The following DNAH11 variants were observed in gnomAD, a reference collection of about 807,000 sequenced individuals.
DNAH11 encodes dynein axonemal heavy chain 11, also known as axonemal beta dynein heavy chain 11.
In DNAH11, 442 loss-of-function variants were observed where a neutral mutation model predicts 526.0. That is an observed-to-expected ratio of 0.84 (90% CI 0.78 to 0.91). The LOEUF (loss-of-function observed/expected upper bound fraction) is 0.91. DNAH11 is among the 40% of genes least tolerant of loss of function. DNAH11 has a pLI of 0.00. For synonymous variants in DNAH11, 2,461 were observed against 1,935.9 expected (o/e 1.27, Z -7.12); for missense variants, 6,989 against 5,448.7 (o/e 1.28, Z -8.90).
In DNAH11 at chr7:21,848,637, G is replaced by C. The variant is rs182778668; in HGVS notation, c.10897-3830G>C. On this transcript the variant is annotated intron_variant, in intron 66 of 81. Transcript: ENST00000409508. ...TCACTCTCACTCGCTCTCTCTCTCT[G>C]TATATATAGCTGTAATATTTATATA... is the stretch of plus-strand genomic sequence containing the variant. Among the ~76,000 whole-genome samples, 123 of 151,890 alleles carry C rather than the reference G, an allele frequency of 8.1e-4. No individual in the cohort carries two copies. The East Asian group carries it at 0.019, about 24-fold the overall frequency.
chr7:21,687,765 C>G (rs1222820570), intron 34 of DNAH11, among the ~76,000 whole-genome samples: 1 of 152,140 alleles, frequency 6.6e-6, no homozygotes, highest in East Asian at 1.9e-4. Flanking sequence ...CAAACAACTT[C>G]TAGGATTGGC....
chr7:21,801,032 GA>G, intron 61 of DNAH11, 104 bp from the exon 62 acceptor site: 1 of 1,190,306 alleles, frequency 8.4e-7, no homozygotes, highest in South Asian at 1.4e-5. Flanking sequence ...TTAATGGGGG[GA>G]AGAGGTTTGT....
chr7:21,626,865 C>T (rs980259241), intron 25 of DNAH11, among the ~76,000 whole-genome samples: 1 of 150,924 alleles, frequency 6.6e-6, no homozygotes, highest in African/African-American at 2.4e-5. Context: ...ATTCTTCTGC[C>T]TCAGCCTCCC....
At position 21,760,567 on chromosome 7, in the gene DNAH11, T is replaced by C. The variant is rs1280950187; in HGVS notation, c.8941-4861T>C. 2.6e-5 allele frequency among the ~76,000 whole-genome samples: 4 copies of C among 152,210 alleles called. No individual in the cohort carries two copies. In the East Asian group the frequency reaches 7.7e-4, roughly 29 times the overall value. On this transcript the variant is annotated intron_variant, in intron 54 of 81. Coordinates refer to ENST00000409508, the MANE Select transcript of DNAH11 (RefSeq NM_001277115.2). ...TACTGAGATACCTTGATACTTAGATTTTGAAATTTTGTTGATACGTTGGCA... is the reference window on the plus strand; with the variant it reads ...TACTGAGATACCTTGATACTTAGATCTTGAAATTTTGTTGATACGTTGGCA...
rs118173228 is a variant in DNAH11 at position 21,630,273 on chromosome 7, T to A, written c.4501-5598T>A. Among the ~76,000 whole-genome samples, 1,504 of 152,312 alleles carry A rather than the reference T, an allele frequency of 9.9e-3. 17 individuals carry two copies. Among genetic ancestry groups the A allele is most frequent in the South Asian group, 0.022 (108 of 4,820 alleles). On this transcript the variant is annotated intron_variant, in intron 25 of 81. Transcript: ENST00000409508. ...TTTGTATATTTTTATATTGTCTATC[T>A]CTTAACCGTTTGCTGTAGCTATTGT...
intron 44 of DNAH11, among the ~76,000 whole-genome samples, chr7:21,724,734 A>C (rs1306464063): frequency 6.7e-6 from 1 of 149,232 alleles, no homozygotes; most frequent in Non-Finnish European, 1.5e-5. Flanking sequence ...TCATCCTATG[A>C]ATATAAGAGT....
intron 8 of DNAH11, among the ~76,000 whole-genome samples, chr7:21,574,867 CTTTTTTTT>C (rs869117425): frequency 7.0e-5 from 3 of 42,850 alleles, no homozygotes; most frequent in African/African-American, 2.5e-4. Flanking sequence ...CTGCACTGGG[CTTTTTTTT>C]TTTTTTTTTT....
At chr7:21,856,843 A>G (rs1782869488) in intron 68 of DNAH11, among the ~76,000 whole-genome samples, 1 of 151,000 alleles carries the variant, frequency 6.6e-6, no homozygotes, top group Non-Finnish European at 1.5e-5. Flanking sequence ...TCAACATGAT[A>G]AAATGCATCT....
At chr7:21,636,212 A>G in intron 26 of DNAH11, 117 bp downstream of exon 26, 1 of 835,712 alleles carries the variant, frequency 1.2e-6, no homozygotes, top group Non-Finnish European at 1.8e-6. Context: ...GAGTCAGGAG[A>G]CTTTTCCTGC....
rs1786075148 is a variant in DNAH11 at position 21,744,901 on chromosome 7, C to A, written c.8348C>A (p.Pro2783His). 1 of 1,610,614 alleles carries A rather than the reference C, an allele frequency of 6.2e-7. No individual in the cohort carries two copies. Among genetic ancestry groups the A allele is most frequent in the Non-Finnish European group, 8.5e-7 (1 of 1,178,562 alleles). Residue 2783 changes from proline (P) to histidine (H), a missense_variant, in exon 51 of 82, where the codon CCC (proline) becomes CAC (histidine). Physicochemically the swap from Pro to His is moderately conservative, Grantham distance 77 (BLOSUM62 -2). Transcript: ENST00000409508. Reference protein sequence around the residue: ...GIDSHMLLQQPLIYCHFADRG... With the variant: ...GIDSHMLLQQHLIYCHFADRG... ...GATAGTCACATGCTGCTTCAACAGCCCCTCATTTATTGCCACTTTGCTGAT... is the reference window on the plus strand; with the variant it reads ...GATAGTCACATGCTGCTTCAACAGCACCTCATTTATTGCCACTTTGCTGAT...
chr7:21,559,761 G>A lies in DNAH11; in HGVS notation c.851G>A (p.Arg284Lys). 6.2e-7 allele frequency: 1 copy of A among 1,605,416 alleles called. No homozygotes were observed. Among genetic ancestry groups the A allele is most frequent in the Non-Finnish European group, 8.5e-7 (1 of 1,175,410 alleles). ...PQAELDFWMM[R>K]RENLSCIYDQ... is the part of the protein sequence containing the mutation. ...GCAGAACTAGATTTCTGGATGATGA[G>A]GAGAGAAAATCTGTCATGCATTTAT... is the stretch of plus-strand genomic sequence containing the variant. The change falls in exon 4 of 82, where the codon AGG (arginine) becomes AAG (lysine). Residue 284 changes from arginine (R) to lysine (K), a missense_variant. By Grantham distance (26) the Arg-to-Lys change is conservative. Transcript: ENST00000409508.
chr7:21,844,827 A>G (rs1197466926), intron 66 of DNAH11, among the ~76,000 whole-genome samples: 1 of 152,232 alleles, frequency 6.6e-6, no homozygotes, highest in African/African-American at 2.4e-5. Context: ...CCACTGCAGC[A>G]GTTGCCATGT....
At chr7:21,578,208 CA>C (rs1784174176) in intron 8 of DNAH11, among the ~76,000 whole-genome samples, 1 of 152,128 alleles carries the variant, frequency 6.6e-6, no homozygotes, top group African/African-American at 2.4e-5. Flanking sequence ...CCTGTAAAAT[CA>C]AAAACAAGTT....
intron 46 of DNAH11, among the ~76,000 whole-genome samples, chr7:21,736,201 G>C (rs911372516): frequency 6.6e-6 from 1 of 152,192 alleles, no homozygotes; most frequent in Non-Finnish European, 1.5e-5. Flanking sequence ...TCAAGTAAAA[G>C]ATTAATTTAG....
chr7:21,599,712 T>C, intron 14 of DNAH11, 75 bp from the exon 15 acceptor site: 1 of 1,155,182 alleles, frequency 8.7e-7, no homozygotes, highest in South Asian at 2.1e-5. Flanking sequence ...TTTTACAAAC[T>C]ATTTAAACGG....
intron 35 of DNAH11, among the ~76,000 whole-genome samples, chr7:21,694,949 A>C (rs754659790): frequency 6.6e-5 from 10 of 152,208 alleles, no homozygotes; most frequent in Non-Finnish European, 1.2e-4. Flanking sequence ...TCTAATGACC[A>C]GTGATGATGA....
At chr7:21,769,482 TG>T (rs35362221) in intron 55 of DNAH11, among the ~76,000 whole-genome samples, 31,765 of 151,182 alleles carry the variant, frequency 0.21, 3,907 homozygotes, top group East Asian at 0.45. Flanking sequence ...TTTTATTCTT[TG>T]GTTTTTTTTT....
At chr7:21,850,608 C>CTTTTTTT (rs3062635) in intron 66 of DNAH11, among the ~76,000 whole-genome samples, 46 of 62,670 alleles carry the variant, frequency 7.3e-4, no homozygotes, top group East Asian at 1.0e-3. Flanking sequence ...CTGTCTTCTT[C>CTTTTTTT]TTTTTTTTTT....
Position 21,687,092 on chromosome 7 carries a change from C to A in DNAH11, c.5622-7C>A, listed in dbSNP as rs727503901. The A allele has an allele frequency of 7.5e-5, 120 of 1,609,912 alleles. No homozygotes were observed. The highest frequency in any genetic ancestry group is 5.1e-4 in the Admixed American group (30 of 59,296). ...ACTGTGATGTTTGTGTTTTCTATTG[C>A]TTAAAGGTGTTATATTACCTTAACT... On this transcript the variant is annotated splice_region_variant and splice_polypyrimidine_tract_variant and intron_variant, in intron 32 of 81. Transcript: ENST00000409508.
Sources: gnomAD v4.1 joint callset for allele counts (sites outside exome capture counted in the v4.1 genomes callset) on GRCh38, gnomAD v4.1.1 for gene constraint, MANE v1.5 for transcripts, NCBI Gene and HGNC (gene_info 2026-07-23, HGNC 2026-07-21) for gene names.